Variants in AUP1 observed in about 807,000 individuals in gnomAD.
AUP1 encodes the protein AUP1 lipid droplet regulating VLDL assembly factor, also known as lipid droplet-regulating VLDL assembly factor AUP1.
In AUP1, 30 loss-of-function variants were observed where a neutral mutation model predicts 51.8. The ratio of observed to expected loss-of-function variants is 0.58; its 90% CI spans 0.43 to 0.79. The LOEUF (loss-of-function observed/expected upper bound fraction) is 0.79, where lower values mean the gene tolerates loss of function less well. Ranked by LOEUF, AUP1 falls within the 30% of genes least tolerant of loss-of-function variation. The pLI, the probability that AUP1 is intolerant of heterozygous loss-of-function variation, is 0.00. For synonymous variants in AUP1, 227 were observed against 209.0 expected, an observed-to-expected ratio of 1.09 and a Z score of -0.74; for missense variants, 492 against 517.1, an observed-to-expected ratio of 0.95 and a Z score of 0.47.
rs749701538 is a variant in AUP1 at position 74,529,201 on chromosome 2, C to A, written c.270G>T (p.Arg90Ser). 3.1e-6 allele frequency: 5 copies of A among 1,614,084 alleles called. No individual in the cohort carries two copies. Residue 90 changes from arginine (R) to serine (S), a missense_variant, in exon 3 of 12, where the codon AGG becomes AGT. Coordinates refer to ENST00000377526, the MANE Select transcript of AUP1 (RefSeq NM_181575.5). ...GTGTCACATGGTTGGAAATGAGGAC[C>A]CTGACACTGTGATCCCGGAGTCCGG... The part of the protein sequence containing the change: ...EDSGLRDHSV[R>S]VLISNHVTPF...
chr2:74,527,601 AG>A lies in AUP1; in HGVS notation c.842-12del. 1 of 1,588,506 alleles carries A rather than the reference AG, an allele frequency of 6.3e-7. No homozygotes were observed. Among genetic ancestry groups the A allele is most frequent in the Non-Finnish European group, 8.5e-7 (1 of 1,173,072 alleles). ...GGAAAGAAGACTGGGCTGTGGAAAA[AG>A]GAAAAAAAGAAAAAAGAAATTCTGG... On this transcript the variant is annotated splice_polypyrimidine_tract_variant and intron_variant, in intron 8 of 11. Coordinates refer to ENST00000377526, the MANE Select transcript of AUP1 (RefSeq NM_181575.5).
At position 74,527,007 on chromosome 2, in the gene AUP1, T is replaced by A; in HGVS notation, c.1130A>T (p.Lys377Met). The change falls in exon 11 of 12, where the codon AAG (lysine) becomes ATG (methionine). Residue 377 changes from lysine to methionine, a missense_variant. By Grantham distance (95) the Lys-to-Met change is moderately conservative. Coordinates refer to ENST00000377526, the MANE Select transcript of AUP1 (RefSeq NM_181575.5). ...GCTCTCCTGCCGGGCCCAGGAAGAC[T>A]TGGCAAATGTTAGGGCTGTTGGCTG... The part of the protein sequence containing the change: ...TPQPTALTFA[K>M]SSWARQESLQ... The A allele has an allele frequency of 6.2e-7, 1 of 1,614,154 alleles. No individual in the cohort carries two copies. Among genetic ancestry groups the A allele is most frequent in the East Asian group, 2.2e-5 (1 of 44,876 alleles).
chr2:74,528,403 C>G lies in AUP1; in HGVS notation c.597+14G>C. ...CTTCAAGCCCCAGAGATTCCCTGTT[C>G]AACACACACTCACCACAGAGACCAG... is the stretch of plus-strand genomic sequence containing the variant. On this transcript the variant is annotated intron_variant, in intron 5 of 11. Transcript: ENST00000377526. 1 of 1,613,062 alleles carries G rather than the reference C, an allele frequency of 6.2e-7. No homozygotes were observed. The highest frequency in any genetic ancestry group is 1.3e-5 in the African/African-American group (1 of 74,994).
At position 74,528,536 on chromosome 2, in the gene AUP1, C is replaced by T. The variant is rs1365506984; in HGVS notation, c.525-47G>A. The T allele has an allele frequency of 2.6e-6, 4 of 1,526,420 alleles. No individual in the cohort carries two copies. In the East Asian group the frequency reaches 9.0e-5, roughly 34 times the overall value. The allele number at this position is 1,526,420 out of a possible 1,614,324, so 94.6% of individuals were successfully genotyped here. A position where few individuals can be genotyped will look rare whatever the true frequency, so the allele number is the denominator to read the frequency against. On this transcript the variant is annotated intron_variant, in intron 4 of 11. Transcript: ENST00000377526. ...AGGATGGGAATCCAGCCAGCCTAGT[C>T]AGCAGCTCACACCTGCCTTATAACA...
Position 74,528,436 on chromosome 2 carries a change from T to C in AUP1, c.578A>G (p.Gln193Arg), listed in dbSNP as rs1675305009. The change falls in exon 5 of 12, where the codon CAG becomes CGG. Residue 193 changes from glutamine to arginine, a missense_variant. By Grantham distance (43) the Gln-to-Arg change is conservative. Transcript: ENST00000377526. ...DVVQPLTLQV[Q>R]RPLVSVTVSD... is the part of the protein sequence containing the mutation. ...ACTCACCACAGAGACCAGGGGTCTCTGAACTTGCAGGGTAAGAGGTTGTAC... is the reference window on the plus strand; with the variant it reads ...ACTCACCACAGAGACCAGGGGTCTCCGAACTTGCAGGGTAAGAGGTTGTAC... 3.7e-6 allele frequency: 6 copies of C among 1,613,836 alleles called. No individual in the cohort carries two copies. The highest frequency in any genetic ancestry group is 1.1e-5 in the South Asian group (1 of 91,070).
rs2104362924 is a variant in AUP1 at position 74,529,673 on chromosome 2, T to C, written c.-44A>G. ...GCCCGGCCGTCGCCGCCGCCGCCAT[T>C]TTCGCGCCCGGCCGCAGGGGCTCTT... is the stretch of plus-strand genomic sequence containing the variant. On this transcript the variant is annotated 5_prime_UTR_variant, in exon 1 of 12. Coordinates refer to ENST00000377526, the MANE Select transcript of AUP1 (RefSeq NM_181575.5). The C allele has an allele frequency of 1.3e-6, 2 of 1,543,206 alleles. No individual in the cohort carries two copies. The highest frequency in any genetic ancestry group is 8.7e-7 in the Non-Finnish European group (1 of 1,147,132).
At chr2:74,529,086 C>T (rs752343183) in intron 3 of AUP1, 46 bp downstream of exon 3, 33 of 1,613,736 alleles carry the variant, frequency 2.0e-5, no homozygotes, top group Non-Finnish European at 2.5e-5. Context: ...TTCAGCTGGG[C>T]CCCAGGGAAC....
Position 74,528,827 on chromosome 2 carries a change from T to A in AUP1, c.448A>T (p.Arg150Trp). The A allele has an allele frequency of 1.9e-6, 3 of 1,614,074 alleles. No homozygotes were observed. The highest frequency in any genetic ancestry group is 2.5e-6 in the Non-Finnish European group (3 of 1,179,998). ...ESLKRFCAST[R>W]LPPTPLLLFP... ...AGCAGCAGAGGAGTGGGGGGAAGCCTCGTGGAAGCACAGAATCTCTTGAGT... is the reference window on the plus strand; with the variant it reads ...AGCAGCAGAGGAGTGGGGGGAAGCCACGTGGAAGCACAGAATCTCTTGAGT... The change falls in exon 4 of 12, where the codon AGG becomes TGG. Residue 150 changes from arginine to tryptophan, a missense_variant. Transcript: ENST00000377526.
At position 74,528,224 on chromosome 2, in the gene AUP1, C is replaced by T. The variant is rs765241193; in HGVS notation, c.671+24G>A. The T allele has an allele frequency of 3.1e-6, 5 of 1,608,584 alleles. No individual in the cohort carries two copies. The South Asian group carries it at 4.4e-5, about 14-fold the overall frequency. On this transcript the variant is annotated intron_variant, in intron 6 of 11. Coordinates refer to ENST00000377526, the MANE Select transcript of AUP1 (RefSeq NM_181575.5). ...CTTGAGGTGAGCCTCTCCCCAGCGA[C>T]CAAAATGTGAGGACAGTTAATACCT...
At chr2:74,529,338 C>T (rs1173412638) in intron 2 of AUP1, 24 bp downstream of exon 2, 2 of 1,613,270 alleles carry the variant, frequency 1.2e-6, no homozygotes. Flanking sequence ...AGCTCTGACA[C>T]TCCCCGAACG....
chr2:74,529,468 G>C lies in AUP1; in HGVS notation c.82C>G (p.Leu28Val), dbSNP rs779580959. 31 of 1,561,266 alleles carry C rather than the reference G, an allele frequency of 2.0e-5. No homozygotes were observed. The highest frequency in any genetic ancestry group is 2.7e-5 in the Non-Finnish European group (31 of 1,151,876). ...AACCCGACTGGCGCGTAGAGCAGCA[G>C]CACGAGCAGTAGGAAGCAGTCACCC... ...LPGDCFLLLV[L>V]LLYAPVGFCL... Residue 28 changes from leucine to valine, a missense_variant, in exon 2 of 12, where the codon CTG becomes GTG. By Grantham distance (32) the Leu-to-Val change is conservative. Coordinates refer to ENST00000377526, the MANE Select transcript of AUP1 (RefSeq NM_181575.5).
In AUP1 at chr2:74,528,954, G is replaced by C. The variant is rs747971964; in HGVS notation, c.340-19C>G. 1.9e-6 allele frequency: 3 copies of C among 1,611,524 alleles called. No homozygotes were observed. Among genetic ancestry groups the C allele is most frequent in the East Asian group, 2.2e-5 (1 of 44,682 alleles). ...GTAGAGGCTGGGAACCAGGAGAAGA[G>C]AAAGCAAGAAGAAAAATATTGAGGA... On this transcript the variant is annotated intron_variant, in intron 3 of 11. Coordinates refer to ENST00000377526, the MANE Select transcript of AUP1 (RefSeq NM_181575.5).
In AUP1 at chr2:74,527,042, C is replaced by T. The variant is rs181330058; in HGVS notation, c.1095G>A (p.Pro365=). ...TTAGGGCTGTTGGCTGAGGGGTCAC[C>T]GGGCCAGAGCTGGGAAACTGAGGTG... The part of the protein sequence containing the change: ...ASASKFPSSG[P]VTPQPTALTF... Residue 365 remains proline, a synonymous_variant, in exon 11 of 12, where the codon CCG becomes CCA. Coordinates refer to ENST00000377526, the MANE Select transcript of AUP1 (RefSeq NM_181575.5). 34 of 1,614,150 alleles carry T rather than the reference C, an allele frequency of 2.1e-5. 1 individual carries two copies. The Admixed American group carries it at 3.3e-4, about 16-fold the overall frequency.
intron 8 of AUP1, 66 bp from the exon 9 acceptor site, chr2:74,527,656 C>A: frequency 6.3e-7 from 1 of 1,589,910 alleles, no homozygotes. Context: ...GAGAGGCTAA[C>A]TAGCACAGAA....
chr2:74,528,197 A>T, intron 6 of AUP1, 51 bp downstream of exon 6: 1 of 1,565,466 alleles, frequency 6.4e-7, no homozygotes, highest in South Asian at 1.1e-5. Flanking sequence ...TAATTCCTTG[A>T]CCTTGAGGTG....
Position 74,527,740 on chromosome 2 carries a change from C to T in AUP1, c.837G>A (p.Gln279=). ...KRQRHPRLRP[Q]SAQSSFPPSP... is the part of the protein sequence containing the mutation. The stretch of plus-strand genomic sequence containing the variant: ...TAATGTATAGAGACCACATACCTGA[C>T]TGGGGGCGCAATCTGGGGTGTCTTT... Residue 279 remains glutamine, a synonymous_variant, in exon 8 of 12, where the codon CAG becomes CAA. Coordinates refer to ENST00000377526, the MANE Select transcript of AUP1 (RefSeq NM_181575.5). 1.9e-6 allele frequency: 3 copies of T among 1,613,900 alleles called. No homozygotes were observed. Among genetic ancestry groups the T allele is most frequent in the Non-Finnish European group, 2.5e-6 (3 of 1,179,954 alleles).
Position 74,527,722 on chromosome 2 carries a change from T to C in AUP1, c.841+14A>G, listed in dbSNP as rs1415427875. The C allele has an allele frequency of 1.2e-6, 2 of 1,612,566 alleles. No individual in the cohort carries two copies. Among genetic ancestry groups the C allele is most frequent in the East Asian group, 4.5e-5 (2 of 44,868 alleles). ...AAAAAACCCCAAAAGCTGTAATGTA[T>C]AGAGACCACATACCTGACTGGGGGC... On this transcript the variant is annotated intron_variant, in intron 8 of 11. Coordinates refer to ENST00000377526, the MANE Select transcript of AUP1 (RefSeq NM_181575.5).
Position 74,529,561 on chromosome 2 carries a change from T to A in AUP1, c.50+19A>T. The A allele has an allele frequency of 6.4e-7, 1 of 1,555,396 alleles. No homozygotes were observed. Among genetic ancestry groups the A allele is most frequent in the East Asian group, 2.4e-5 (1 of 41,920 alleles). On this transcript the variant is annotated intron_variant, in intron 1 of 11. Coordinates refer to ENST00000377526, the MANE Select transcript of AUP1 (RefSeq NM_181575.5). Reference sequence around the variant, plus strand: ...CCGAGAGCACGCGGGGATCGGTCTCTTCCCGCCGGGTCTCTTACCGGTGCG... The same window carrying A: ...CCGAGAGCACGCGGGGATCGGTCTCATCCCGCCGGGTCTCTTACCGGTGCG...
intron 4 of AUP1, 73 bp from the exon 5 acceptor site, chr2:74,528,562 G>C: frequency 6.9e-7 from 1 of 1,448,872 alleles, no homozygotes; most frequent in African/African-American, 1.4e-5. Context: ...CCTTATAACA[G>C]GCAACTGTCA....
Sources: gnomAD v4.1 joint callset for allele counts on GRCh38, gnomAD v4.1.1 for gene constraint, MANE v1.5 for transcripts, NCBI Gene and HGNC (gene_info 2026-07-23, HGNC 2026-07-21) for gene names.